FREM2: variants seen among roughly 807,000 people sequenced by gnomAD.
FREM2 encodes FRAS1-related extracellular matrix protein 2.
A neutral mutation model predicts 219.9 loss-of-function variants in FREM2; 119 were observed. That is an observed-to-expected ratio of 0.54 (90% CI 0.47 to 0.63). FREM2 has a LOEUF of 0.63. FREM2 is among the 30% of genes least tolerant of loss of function. The pLI, the probability that FREM2 is intolerant of heterozygous loss-of-function variation, is 0.00. For missense variants in FREM2, 4,030 were observed against 3,993.6 expected (o/e 1.01, Z -0.25); for synonymous variants, 1,562 against 1,522.8 (o/e 1.03, Z -0.60).
intron 2 of FREM2, among the ~76,000 whole-genome samples, chr13:38,747,621 T>A (rs1185543751): frequency 2.0e-5 from 3 of 152,164 alleles, no homozygotes; most frequent in African/African-American, 7.2e-5. Context: ...ATAAAGGTAT[T>A]TTCCAATACA....
At chr13:38,835,391 A>G (rs1333616025) in intron 6 of FREM2, among the ~76,000 whole-genome samples, 1 of 152,186 alleles carries the variant, frequency 6.6e-6, no homozygotes, top group East Asian at 1.9e-4. Flanking sequence ...TGATGCCTCC[A>G]GCTTTGTTCT....
intron 15 of FREM2, among the ~76,000 whole-genome samples, chr13:38,861,911 G>A (rs989692900): frequency 2.0e-5 from 3 of 152,172 alleles, no homozygotes; most frequent in Non-Finnish European, 2.9e-5. Flanking sequence ...CCTTCAACAT[G>A]TGTTGCAGTT....
At position 38,848,663 on chromosome 13, in the gene FREM2, C is replaced by T. The variant is rs750112592; in HGVS notation, c.6372C>T (p.Val2124=). 6.2e-7 allele frequency: 1 copy of T among 1,609,798 alleles called. No homozygotes were observed. Among genetic ancestry groups the T allele is most frequent in the East Asian group, 2.2e-5 (1 of 44,816 alleles). Residue 2124 remains valine (V), a synonymous_variant, in exon 8 of 24, where the codon GTC becomes GTT. Transcript: ENST00000280481. ...SKATVSINDS[V]SDLPKMQFKE... is the part of the protein sequence containing the mutation. ...CCACAGTGTCCATAAATGACTCTGT[C>T]TCCGATTGTGAGTGTTTATTAATTT...
At position 38,689,880 on chromosome 13, in the gene FREM2, A is replaced by G; in HGVS notation, c.2536A>G (p.Ile846Val). ...GFTIQEKGHH[I>V]LSETELHVND... ...CACTATTCAGGAGAAGGGTCACCAC[A>G]TCCTGAGTGAGACAGAGTTGCACGT... is the stretch of plus-strand genomic sequence containing the variant. The change falls in exon 1 of 24, where the codon ATC becomes GTC. Residue 846 changes from isoleucine (I) to valine (V), a missense_variant. Ile to Val is a conservative substitution (Grantham distance 29, BLOSUM62 3). Around this residue, in one of 2 missense-constraint regions of FREM2, gnomAD observed 3,102 missense variants for 2,950.7 expected, o/e 1.05. Coordinates refer to ENST00000280481, the MANE Select transcript of FREM2 (RefSeq NM_207361.6). 1.2e-6 allele frequency: 2 copies of G among 1,614,206 alleles called. No individual in the cohort carries two copies. The highest frequency in any genetic ancestry group is 1.7e-6 in the Non-Finnish European group (2 of 1,180,042).
chr13:38,809,324 G>A (rs957441625), intron 6 of FREM2, among the ~76,000 whole-genome samples: 1 of 149,288 alleles, frequency 6.7e-6, no homozygotes, highest in African/African-American at 2.5e-5. Context: ...TTAAATTTTT[G>A]CAGGTACGTA....
At chr13:38,747,001 G>C (rs1427957956) in intron 2 of FREM2, among the ~76,000 whole-genome samples, 3 of 152,084 alleles carry the variant, frequency 2.0e-5, no homozygotes, top group African/African-American at 4.8e-5. Flanking sequence ...TGCAGACCTT[G>C]CTCACAAGCC....
At chr13:38,848,029 A>G (rs2137908257) in intron 7 of FREM2, among the ~76,000 whole-genome samples, 1 of 152,368 alleles carries the variant, frequency 6.6e-6, no homozygotes, top group Admixed American at 6.5e-5. Context: ...GATGTTCTAC[A>G]GCAGCTCCAG....
At position 38,859,242 on chromosome 13, in the gene FREM2, C is replaced by T. The variant is rs1877667144; in HGVS notation, c.7216-45C>T. 3.2e-6 allele frequency: 5 copies of T among 1,586,640 alleles called. No homozygotes were observed. The South Asian group carries it at 5.5e-5, about 18-fold the overall frequency. Reference sequence around the variant, plus strand: ...GAGAACGGGAGAAGAATGCGTTCCACCTGTTCTACACTCTGTTCCTAACAC... The same window carrying T: ...GAGAACGGGAGAAGAATGCGTTCCATCTGTTCTACACTCTGTTCCTAACAC... On this transcript the variant is annotated intron_variant, in intron 13 of 23. Coordinates refer to ENST00000280481, the MANE Select transcript of FREM2 (RefSeq NM_207361.6).
intron 21 of FREM2, 139 bp downstream of exon 21, chr13:38,877,382 T>C: frequency 2.1e-6 from 2 of 946,736 alleles, no homozygotes; most frequent in Non-Finnish European, 3.4e-6. Flanking sequence ...TTACCCACTC[T>C]GGCTGGTGTG....
chr13:38,761,195 A>T (rs904591948), intron 2 of FREM2, among the ~76,000 whole-genome samples: 2 of 152,162 alleles, frequency 1.3e-5, no homozygotes, highest in Non-Finnish European at 1.5e-5. Flanking sequence ...GAGAGGTTGG[A>T]TGTGAGAGGA....
chr13:38,709,303 G>C (rs2138092581), intron 2 of FREM2, among the ~76,000 whole-genome samples: 1 of 152,202 alleles, frequency 6.6e-6, no homozygotes, highest in South Asian at 2.1e-4. Context: ...CATCTCCGCT[G>C]TGTTTCCCAT....
chr13:38,693,690 T>C (rs1593347245), intron 1 of FREM2, among the ~76,000 whole-genome samples: 1 of 152,238 alleles, frequency 6.6e-6, no homozygotes, highest in Non-Finnish European at 1.5e-5. Context: ...GGTGTTCTTT[T>C]CCTGCAACTG....
intron 3 of FREM2, among the ~76,000 whole-genome samples, chr13:38,766,958 A>T (rs745445122): frequency 6.6e-6 from 1 of 152,172 alleles, no homozygotes; most frequent in Non-Finnish European, 1.5e-5. Context: ...ATGTTTATTG[A>T]GTTATTTGCT....
Position 38,697,731 on chromosome 13 carries a change from T to G in FREM2, c.5207T>G (p.Leu1736Ter). Residue 1736 changes from leucine to a stop codon, truncating the protein, a stop_gained, in exon 2 of 24, where the codon TTA (leucine) becomes TGA (stop). Coordinates refer to ENST00000280481, the MANE Select transcript of FREM2 (RefSeq NM_207361.6). LOFTEE classifies it high-confidence loss of function. ...GATGACATGAAAATATGCTATGTCT[T>G]AAGAGAAGGGGCTAATGCCACAAGT... The part of the protein sequence containing the change: ...DIDDMKICYV[L>*]REGANATSDM... 6.2e-7 allele frequency: 1 copy of G among 1,609,362 alleles called. No homozygotes were observed.
Position 38,850,059 on chromosome 13 carries a change from A to G in FREM2, c.6401A>G (p.Glu2134Gly), listed in dbSNP as rs1877309584. The change falls in exon 9 of 24, where the codon GAA (glutamate) becomes GGA (glycine). Residue 2134 changes from glutamate to glycine, a missense_variant. Physicochemically the swap from Glu to Gly is moderately conservative, Grantham distance 98. Transcript: ENST00000280481. ...GCAGTGCCTAAGATGCAATTCAAAG[A>G]ACGAATATATACTGGCAGCGAAAGT... Reference protein sequence around the residue: ...VSDLPKMQFKERIYTGSESDG... With the variant: ...VSDLPKMQFKGRIYTGSESDG... The G allele has an allele frequency of 6.2e-7, 1 of 1,613,936 alleles. No homozygotes were observed. The highest frequency in any genetic ancestry group is 8.5e-7 in the Non-Finnish European group (1 of 1,179,836).
chr13:38,876,299 C>T lies in FREM2; in HGVS notation c.8461C>T (p.Pro2821Ser), dbSNP rs186980482. 6.2e-7 allele frequency: 1 copy of T among 1,613,972 alleles called. No homozygotes were observed. The highest frequency in any genetic ancestry group is 8.5e-7 in the Non-Finnish European group (1 of 1,179,900). ...TGTGAAGCTGGTGCCATGCACTGCC[C>T]CATCACATCAGGAATACCGCCTGCC... ...YTVKLVPCTA[P>S]SHQEYRLPVT... The change falls in exon 20 of 24, where the codon CCA (proline) becomes TCA (serine). Residue 2821 changes from proline (P) to serine (S), a missense_variant. Pro to Ser is a moderately conservative substitution (Grantham distance 74). Around this residue, in one of 2 missense-constraint regions of FREM2, gnomAD observed 928 missense variants for 1,042.9 expected, o/e 0.89. Transcript: ENST00000280481.
At chr13:38,760,384 C>G (rs1402414863) in intron 2 of FREM2, among the ~76,000 whole-genome samples, 1 of 152,166 alleles carries the variant, frequency 6.6e-6, no homozygotes, top group Non-Finnish European at 1.5e-5. Context: ...TTCGTCCTTT[C>G]AGAACATAGG....
intron 3 of FREM2, among the ~76,000 whole-genome samples, chr13:38,766,194 TA>T (rs1232661514): frequency 6.6e-6 from 1 of 152,204 alleles, no homozygotes. Flanking sequence ...ATTGTAAAAT[TA>T]TTTTTTTGCC....
intron 12 of FREM2, among the ~76,000 whole-genome samples, chr13:38,856,866 T>C (rs1961555697): frequency 6.6e-6 from 1 of 152,156 alleles, no homozygotes; most frequent in African/African-American, 2.4e-5. Flanking sequence ...TACGTGTCTT[T>C]TTGGAATGTA....
Sources: allele counts gnomAD v4.1 joint callset (sites outside exome capture counted in the v4.1 genomes callset), GRCh38; gene constraint gnomAD v4.1.1; regional missense constraint gnomAD v4.1.1; transcripts MANE v1.5; gene names NCBI Gene and HGNC (gene_info 2026-07-23, HGNC 2026-07-21).